Variants in ZFYVE9 observed in about 807,000 individuals in gnomAD.
ZFYVE9 encodes the protein zinc finger FYVE domain-containing protein 9.
ZFYVE9 carries 43 observed loss-of-function variants against 126.7 expected under a neutral mutation model. The ratio of observed to expected loss-of-function variants is 0.34; its 90% confidence interval spans 0.27 to 0.44. The LOEUF is 0.44. ZFYVE9 is among the 20% of genes least tolerant of loss of function. The probability of loss-of-function intolerance (pLI) is 1.00; values close to 1 mark genes in which losing one functional copy is unlikely to be tolerated. For synonymous variants in ZFYVE9, 521 were observed against 597.4 expected (o/e 0.87, Z 1.87); for missense variants, 1,476 against 1,697.0 (o/e 0.87, Z 2.29).
At chr1:52,172,910 A>T (rs1248224054) in intron 1 of ZFYVE9, among the ~76,000 whole-genome samples, 1 of 152,038 alleles carries the variant, frequency 6.6e-6, no homozygotes, top group Non-Finnish European at 1.5e-5. Context: ...GGCTGAGACA[A>T]TGGGGTTTTC....
chr1:52,277,651 C>G (rs2147812708), intron 8 of ZFYVE9, among the ~76,000 whole-genome samples: 2 of 152,128 alleles, frequency 1.3e-5, no homozygotes, highest in Admixed American at 1.3e-4. Flanking sequence ...CCTGACTGTC[C>G]CTCAAATATG....
intron 2 of ZFYVE9, among the ~76,000 whole-genome samples, chr1:52,226,484 C>T (rs1312923545): frequency 6.6e-6 from 1 of 151,924 alleles, no homozygotes; most frequent in Non-Finnish European, 1.5e-5. Context: ...TGCAGTGAGC[C>T]GAGATCATGC....
intron 13 of ZFYVE9, among the ~76,000 whole-genome samples, chr1:52,329,172 A>T (rs1221984290): frequency 6.6e-6 from 1 of 152,206 alleles, no homozygotes; most frequent in Non-Finnish European, 1.5e-5. Flanking sequence ...CAAAATTTCA[A>T]TGGCCTTTTT....
intron 4 of ZFYVE9, among the ~76,000 whole-genome samples, chr1:52,262,888 A>G (rs1471036995): frequency 6.6e-6 from 1 of 151,942 alleles, no homozygotes; most frequent in African/African-American, 2.4e-5. Flanking sequence ...CCTGGCCAAC[A>G]TGGTGAAACC....
rs765448809 is a variant in ZFYVE9, at chr1:52,274,589, G to A, written c.2746+5G>A. 1.2e-6 allele frequency: 2 copies of A among 1,602,910 alleles called. No individual in the cohort carries two copies. Among genetic ancestry groups the A allele is most frequent in the African/African-American group, 1.3e-5 (1 of 74,918 alleles). Reference sequence around the variant, plus strand: ...TCTCCACTGGTGTAAAAGGAGGTAAGTGGACTACATATTTAAACAGTGATA... The same window carrying A: ...TCTCCACTGGTGTAAAAGGAGGTAAATGGACTACATATTTAAACAGTGATA... On this transcript the variant is annotated splice_donor_5th_base_variant and intron_variant, in intron 8 of 18. Coordinates refer to ENST00000287727, the MANE Select transcript of ZFYVE9 (RefSeq NM_004799.4).
chr1:52,294,715 A>G (rs964578282), intron 11 of ZFYVE9, among the ~76,000 whole-genome samples: 1 of 152,262 alleles, frequency 6.6e-6, no homozygotes, highest in Non-Finnish European at 1.5e-5. Flanking sequence ...TTCTTGGACC[A>G]GAGTGCCTCT....
chr1:52,303,064 G>A (rs1318020796), intron 12 of ZFYVE9, among the ~76,000 whole-genome samples: 4 of 151,456 alleles, frequency 2.6e-5, no homozygotes, highest in Non-Finnish European at 5.9e-5. Context: ...GAGCCAAGAT[G>A]GCACCACTGC....
intron 10 of ZFYVE9, among the ~76,000 whole-genome samples, chr1:52,291,885 C>CA (rs1171027696): frequency 0.18 from 10,609 of 58,154 alleles, 1,404 homozygotes; most frequent in African/African-American, 0.38. Context: ...GACTCTGTCT[C>CA]AAAAAAAAAA....
chr1:52,264,663 T>C (rs1018367621), intron 5 of ZFYVE9, among the ~76,000 whole-genome samples: 8 of 152,340 alleles, frequency 5.3e-5, no homozygotes, highest in African/African-American at 1.9e-4. Flanking sequence ...TGAACACCAG[T>C]GCTACCTGTG....
At chr1:52,275,769 C>G (rs1196607330) in intron 8 of ZFYVE9, among the ~76,000 whole-genome samples, 1 of 152,042 alleles carries the variant, frequency 6.6e-6, no homozygotes, top group Non-Finnish European at 1.5e-5. Context: ...TTCAGTCTTT[C>G]TTTCCTTCAT....
intron 10 of ZFYVE9, among the ~76,000 whole-genome samples, chr1:52,289,708 G>C (rs1253805809): frequency 1.1e-4 from 16 of 152,140 alleles, no homozygotes. Context: ...ATCTACACCT[G>C]TGCAGTGTTA....
intron 1 of ZFYVE9, among the ~76,000 whole-genome samples, chr1:52,191,503 A>G (rs944383904): frequency 2.0e-5 from 3 of 152,146 alleles, no homozygotes; most frequent in African/African-American, 7.2e-5. Flanking sequence ...TTTGAGCCAT[A>G]TTTCATATAA....
chr1:52,333,819 G>A lies in ZFYVE9; in HGVS notation c.3590-869G>A, dbSNP rs192862129. On this transcript the variant is annotated intron_variant, in intron 14 of 18. Transcript: ENST00000287727. ...AAAAAAAAAAAAAAAAGCAGGGCAT[G>A]GTGGCTCACGCCTGTAATCCCAACA... is the stretch of plus-strand genomic sequence containing the variant. Among the ~76,000 whole-genome samples, 67 of 151,622 alleles carry A rather than the reference G, an allele frequency of 4.4e-4. 1 individual carries two copies. In the East Asian group the frequency reaches 0.012, roughly 28 times the overall value.
intron 13 of ZFYVE9, among the ~76,000 whole-genome samples, chr1:52,313,708 T>C (rs141238887): frequency 6.6e-6 from 1 of 152,312 alleles, no homozygotes; most frequent in African/African-American, 2.4e-5. Context: ...GCTCTGATCC[T>C]ACCTAATAAG....
intron 4 of ZFYVE9, among the ~76,000 whole-genome samples, chr1:52,257,775 C>T (rs1033997576): frequency 6.6e-6 from 1 of 152,220 alleles, no homozygotes; most frequent in African/African-American, 2.4e-5. Flanking sequence ...GCTCTTGTCT[C>T]CCAGGCTGGA....
intron 2 of ZFYVE9, among the ~76,000 whole-genome samples, chr1:52,224,009 A>G (rs530262599): frequency 2.0e-5 from 3 of 152,156 alleles, no homozygotes; most frequent in Non-Finnish European, 4.4e-5. Context: ...AGGGTCGTCT[A>G]ACAGTGGTTT....
chr1:52,168,318 G>T (rs1056102185), intron 1 of ZFYVE9, among the ~76,000 whole-genome samples: 1 of 145,914 alleles, frequency 6.9e-6, no homozygotes, highest in East Asian at 2.1e-4. Context: ...CCAGGTTCAA[G>T]CAGTTGTCCT....
Position 52,273,871 on chromosome 1 carries a change from A to G in ZFYVE9, c.2626-593A>G, listed in dbSNP as rs571316279. ...CAAGATTTATTTTATTACATAGTAA[A>G]TGAAAAATGATGACATTTTATCAAA... On this transcript the variant is annotated intron_variant, in intron 7 of 18. Coordinates refer to ENST00000287727, the MANE Select transcript of ZFYVE9 (RefSeq NM_004799.4). Among the ~76,000 whole-genome samples, 4 of 152,096 alleles carry G rather than the reference A, an allele frequency of 2.6e-5. No individual in the cohort carries two copies. In the South Asian group the frequency reaches 8.3e-4, roughly 32 times the overall value.
intron 1 of ZFYVE9, among the ~76,000 whole-genome samples, chr1:52,189,084 C>G (rs1304301408): frequency 6.8e-6 from 1 of 147,374 alleles, no homozygotes; most frequent in African/African-American, 2.5e-5. Context: ...ATTACAGGCA[C>G]CTACCACCAC....
Sources: allele counts gnomAD v4.1 joint callset (sites outside exome capture counted in the v4.1 genomes callset), GRCh38; gene constraint gnomAD v4.1.1; transcripts MANE v1.5; gene names NCBI Gene and HGNC (gene_info 2026-07-23, HGNC 2026-07-21).